Variants in MGAT4C observed in about 807,000 individuals in gnomAD.
The protein encoded by MGAT4C is alpha-1,3-mannosyl-glycoprotein 4-beta-N-acetylglucosaminyltransferase C.
MGAT4C carries 19 observed loss-of-function variants against 40.1 expected under a neutral mutation model. The ratio of observed to expected loss-of-function variants is 0.47; its 90% confidence interval spans 0.33 to 0.70. The LOEUF (loss-of-function observed/expected upper bound fraction) is 0.70. Ranked by LOEUF, MGAT4C falls within the 30% of genes least tolerant of loss-of-function variation. The pLI, the probability that MGAT4C is intolerant of heterozygous loss-of-function variation, is 0.02. For missense variants in MGAT4C, 491 were observed against 563.2 expected (o/e 0.87, Z 1.30); for synonymous variants, 181 against 187.1 (o/e 0.97, Z 0.27).
intron 2 of MGAT4C, among the ~76,000 whole-genome samples, chr12:86,047,220 T>C (rs990871931): frequency 1.3e-5 from 2 of 152,186 alleles, no homozygotes; most frequent in African/African-American, 2.4e-5. Context: ...TAAATCACTA[T>C]AATTTTTTCT....
At chr12:86,276,293 A>T (rs1390800633) in intron 4 of MGAT4C, among the ~76,000 whole-genome samples, 1 of 152,150 alleles carries the variant, frequency 6.6e-6, no homozygotes, top group Non-Finnish European at 1.5e-5. Flanking sequence ...TTAATTTTGT[A>T]GGTATATGGT....
chr12:86,557,544 A>G (rs142459023), intron 2 of MGAT4C, among the ~76,000 whole-genome samples: 1 of 152,278 alleles, frequency 6.6e-6, no homozygotes, highest in African/African-American at 2.4e-5. Context: ...TGATGTCCCT[A>G]TTCTTAGAAA....
At chr12:86,727,300 G>GAGAATTATAAAC (rs1258677049) in intron 1 of MGAT4C, 2 of 152,096 alleles carry the variant, frequency 1.3e-5, no homozygotes, top group Non-Finnish European at 2.9e-5. Flanking sequence ...ACATGATGAT[G>GAGAATTATAAAC]AGAATTATAA....
chr12:86,739,063 C>A (rs10492296), intron 1 of MGAT4C, among the ~76,000 whole-genome samples: 20 of 130,606 alleles, frequency 1.5e-4, no homozygotes, highest in Non-Finnish European at 9.4e-5. Flanking sequence ...TATTGTCATT[C>A]CAATTTTTGT....
intron 2 of MGAT4C, among the ~76,000 whole-genome samples, chr12:86,003,268 A>T (rs1259322596): frequency 1.3e-5 from 2 of 152,228 alleles, no homozygotes; most frequent in Non-Finnish European, 2.9e-5. Flanking sequence ...TCGTAAAAAC[A>T]GCTACATTTT....
chr12:86,725,609 C>T (rs992745802), intron 2 of MGAT4C, among the ~76,000 whole-genome samples: 1 of 151,984 alleles, frequency 6.6e-6, no homozygotes, highest in South Asian at 2.1e-4. Context: ...TACAGGCGCA[C>T]GCTGCCTCGC....
Position 86,489,264 on chromosome 12 carries a change from G to A in MGAT4C, c.-228-53999C>T, listed in dbSNP as rs149979762. On this transcript the variant is annotated intron_variant, in intron 2 of 7. Transcript: ENST00000548651. ...TTCAGGCAAGAGCAACTTACACTTC[G>A]TGTCCCCTTTCCAGCTCCCCTCCCC... Among the ~76,000 whole-genome samples, 317 of 152,192 alleles carry A rather than the reference G, an allele frequency of 2.1e-3. 3 individuals carry two copies. The highest frequency in any genetic ancestry group is 2.9e-3 in the Non-Finnish European group (194 of 68,012).
intron 4 of MGAT4C, among the ~76,000 whole-genome samples, chr12:86,287,925 A>G (rs1953397251): frequency 6.6e-6 from 1 of 152,186 alleles, no homozygotes; most frequent in African/African-American, 2.4e-5. Context: ...GAATTGCCAC[A>G]CTGTCTTCCA....
At position 86,610,566 on chromosome 12, in the gene MGAT4C, T is replaced by TG. The variant is rs201580270; in HGVS notation, c.-229+116642_-229+116643insC. Among the ~76,000 whole-genome samples the TG allele has an allele frequency of 2.7e-3, 404 of 151,376 alleles. 2 individuals carry two copies. The highest frequency in any genetic ancestry group is 6.8e-3 in the Middle Eastern group (2 of 292). ...CAACAGTTTTTTTGTTTTTTGTTTT[T>TG]TTTTCATTTTCTTTCTTTTTGTTTA... is the stretch of plus-strand genomic sequence containing the variant. On this transcript the variant is annotated intron_variant, in intron 2 of 7. Transcript: ENST00000548651.
Position 86,561,220 on chromosome 12 carries a change from A to T in MGAT4C, c.-228-125955T>A, listed in dbSNP as rs1013651661. 2.6e-5 allele frequency among the ~76,000 whole-genome samples: 4 copies of T among 152,154 alleles called. No homozygotes were observed. In the South Asian group the frequency reaches 8.3e-4, roughly 32 times the overall value. On this transcript the variant is annotated intron_variant, in intron 2 of 7. Coordinates refer to the MGAT4C transcript ENST00000548651. ...TACTCATGACATTTTTATCAGAAAT[A>T]AAAAAAATTATCCTATAACTCATAT...
At chr12:86,549,097 G>A (rs1959231068) in intron 2 of MGAT4C, among the ~76,000 whole-genome samples, 1 of 151,930 alleles carries the variant, frequency 6.6e-6, no homozygotes, top group Non-Finnish European at 1.5e-5. Flanking sequence ...GTATATAGTA[G>A]CACTCTATAA....
At chr12:86,730,359 AC>A (rs1336623380) in intron 1 of MGAT4C, among the ~76,000 whole-genome samples, 2 of 150,140 alleles carry the variant, frequency 1.3e-5, no homozygotes, top group Admixed American at 6.7e-5. Flanking sequence ...AAAAGTAAAC[AC>A]AGGAATAAAG....
chr12:86,812,678 A>G (rs965743463), intron 1 of MGAT4C, among the ~76,000 whole-genome samples: 1 of 152,056 alleles, frequency 6.6e-6, no homozygotes, highest in Non-Finnish European at 1.5e-5. Flanking sequence ...TCCATCCTTT[A>G]ACTATCAGCC....
At chr12:86,422,162 A>G (rs900948621) in intron 3 of MGAT4C, among the ~76,000 whole-genome samples, 4 of 152,226 alleles carry the variant, frequency 2.6e-5, no homozygotes, top group African/African-American at 9.6e-5. Context: ...CATTAATATG[A>G]AATATTCAAC....
intron 2 of MGAT4C, among the ~76,000 whole-genome samples, chr12:86,608,777 G>C (rs548507495): frequency 1.3e-5 from 2 of 151,964 alleles, no homozygotes; most frequent in African/African-American, 4.8e-5. Flanking sequence ...GAAATCACTT[G>C]AAATGTGCAT....
intron 2 of MGAT4C, among the ~76,000 whole-genome samples, chr12:86,531,029 T>C (rs1958972493): frequency 1.3e-5 from 2 of 152,080 alleles, no homozygotes; most frequent in African/African-American, 2.4e-5. Flanking sequence ...GCCCCCTCTA[T>C]TATTCTCAAA....
intron 2 of MGAT4C, among the ~76,000 whole-genome samples, chr12:86,495,595 GT>G (rs781461089): frequency 3.3e-5 from 5 of 151,946 alleles, no homozygotes; most frequent in Non-Finnish European, 4.4e-5. Flanking sequence ...TGATTCAATT[GT>G]ACTGTAAGTG....
At chr12:86,781,321 T>A (rs1951836385) in intron 1 of MGAT4C, among the ~76,000 whole-genome samples, 1 of 150,252 alleles carries the variant, frequency 6.7e-6, no homozygotes, top group Admixed American at 6.6e-5. Context: ...ATCAACAACT[T>A]TTTTTTTTGA....
chr12:86,643,777 A>C (rs1963458155), intron 2 of MGAT4C, among the ~76,000 whole-genome samples: 1 of 151,804 alleles, frequency 6.6e-6, no homozygotes. Flanking sequence ...AAACTATATG[A>C]ATATGTGATA....
Sources: allele counts gnomAD v4.1 joint callset (sites outside exome capture counted in the v4.1 genomes callset), GRCh38; gene constraint gnomAD v4.1.1; transcripts MANE v1.5; gene names NCBI Gene and HGNC (gene_info 2026-07-23, HGNC 2026-07-21).